Variants in CDH4 observed in about 807,000 individuals in gnomAD.
CDH4 encodes the protein cadherin-4.
A neutral mutation model predicts 86.0 loss-of-function variants in CDH4; 33 were observed. The ratio of observed to expected loss-of-function variants is 0.38; its 90% CI spans 0.29 to 0.51. The LOEUF (loss-of-function observed/expected upper bound fraction) is 0.51. CDH4 is among the 20% of genes least tolerant of loss of function. The pLI is 0.86. For missense variants in CDH4, 1,114 were observed against 1,307.4 expected (o/e 0.85, Z 2.28); for synonymous variants, 555 against 549.4 (o/e 1.01, Z -0.14).
intron 2 of CDH4, among the ~76,000 whole-genome samples, chr20:61,383,793 A>C (rs764219887): frequency 1.0e-5 from 1 of 100,228 alleles, no homozygotes; most frequent in African/African-American, 3.4e-5. Flanking sequence ...ATGAAGATAT[A>C]TATGCATATA....
At chr20:61,732,305 CA>C (rs2088200510) in intron 2 of CDH4, among the ~76,000 whole-genome samples, 3 of 152,186 alleles carry the variant, frequency 2.0e-5, no homozygotes, top group African/African-American at 7.2e-5. Context: ...TGCACTGCCT[CA>C]GGGAAAAGGA....
chr20:61,536,518 G>A (rs1017032149), intron 2 of CDH4, among the ~76,000 whole-genome samples: 2 of 152,104 alleles, frequency 1.3e-5, no homozygotes, highest in South Asian at 2.1e-4. Context: ...GATAACCCAC[G>A]AAACTCAAGC....
At chr20:61,848,154 CAGGGACCTGGGT>C (rs1335834936) in intron 5 of CDH4, among the ~76,000 whole-genome samples, 1 of 152,232 alleles carries the variant, frequency 6.6e-6, no homozygotes, top group Non-Finnish European at 1.5e-5. Flanking sequence ...TGGTGGGGAC[CAGGGACCTGGGT>C]CCCACACCTG....
rs757908734 is a variant in CDH4, at chr20:61,879,148, C to T, written c.1050+5248C>T. Among the ~76,000 whole-genome samples the T allele has an allele frequency of 6.6e-6, 1 of 152,320 alleles. No individual in the cohort carries two copies. Among genetic ancestry groups the T allele is most frequent in the Non-Finnish European group, 1.5e-5 (1 of 68,028 alleles). ...CACTGACAGCAGTGTAGACGCCAAG[C>T]GAGCACCAGTTCAGCTCCCCCGGGA... On this transcript the variant is annotated intron_variant, in intron 7 of 15. Transcript: ENST00000614565. The surrounding 1 kb of genome is among the most constrained non-coding windows in gnomAD (Gnocchi z 4.1).
intron 2 of CDH4, among the ~76,000 whole-genome samples, chr20:61,574,809 A>G (rs991762409): frequency 2.0e-5 from 3 of 152,186 alleles, no homozygotes; most frequent in African/African-American, 7.2e-5. Flanking sequence ...GACCAAGTCC[A>G]GGGTTCTCAT....
intron 2 of CDH4, among the ~76,000 whole-genome samples, chr20:61,526,755 T>C (rs561871114): frequency 6.5e-4 from 98 of 151,610 alleles, no homozygotes; most frequent in Non-Finnish European, 1.3e-3. Context: ...AGTTTCATGA[T>C]TGCAGTTGTC....
intron 8 of CDH4, among the ~76,000 whole-genome samples, chr20:61,904,131 C>T (rs1024884263): frequency 6.6e-6 from 1 of 152,176 alleles, no homozygotes; most frequent in Admixed American, 6.5e-5. Flanking sequence ...CTGCAGGGCC[C>T]GTAGCCCCAC....
intron 2 of CDH4, among the ~76,000 whole-genome samples, chr20:61,373,481 A>C (rs1406323528): frequency 6.6e-6 from 1 of 152,228 alleles, no homozygotes; most frequent in African/African-American, 2.4e-5. Flanking sequence ...AATGTGCTGG[A>C]TGTTCTCCCA....
intron 8 of CDH4, among the ~76,000 whole-genome samples, chr20:61,898,587 A>G (rs1985239489): frequency 6.6e-6 from 1 of 151,674 alleles, no homozygotes; most frequent in South Asian, 2.1e-4. Flanking sequence ...CCTCCAGGCC[A>G]CCCCCACCCC....
chr20:61,809,700 T>C (rs1980330044), intron 4 of CDH4, among the ~76,000 whole-genome samples: 1 of 152,074 alleles, frequency 6.6e-6, no homozygotes, highest in Non-Finnish European at 1.5e-5. Flanking sequence ...CCAGGAGGGG[T>C]TCCGGTAGAA....
At chr20:61,830,482 G>GC (rs34581140) in intron 4 of CDH4, among the ~76,000 whole-genome samples, 67,081 of 151,848 alleles carry the variant, frequency 0.44, 16,817 homozygotes, top group Non-Finnish European at 0.58. Context: ...ACCTCCCAAG[G>GC]CCCCCCAGGA....
At chr20:61,662,087 C>T (rs2145833408) in intron 2 of CDH4, among the ~76,000 whole-genome samples, 1 of 152,258 alleles carries the variant, frequency 6.6e-6, no homozygotes, top group African/African-American at 2.4e-5. Flanking sequence ...GATTTACCTC[C>T]AAGAAGCAGC....
chr20:61,846,789 G>A (rs1982473226), intron 5 of CDH4, among the ~76,000 whole-genome samples: 1 of 152,326 alleles, frequency 6.6e-6, no homozygotes, highest in Middle Eastern at 3.4e-3. Flanking sequence ...CAGACTTGGA[G>A]CGGGGTCAGC....
At chr20:61,425,445 G>T (rs1032344106) in intron 2 of CDH4, among the ~76,000 whole-genome samples, 2 of 152,344 alleles carry the variant, frequency 1.3e-5, no homozygotes, top group Admixed American at 6.5e-5. Context: ...CTGTCTGAAA[G>T]GGGGGCTGGG....
At chr20:61,427,543 A>G (rs73150209) in intron 2 of CDH4, among the ~76,000 whole-genome samples, 1,920 of 151,230 alleles carry the variant, frequency 0.013, 21 homozygotes, top group Non-Finnish European at 0.018. Flanking sequence ...CAGCCTATCT[A>G]GCATCATCTT....
intron 2 of CDH4, among the ~76,000 whole-genome samples, chr20:61,627,211 C>T (rs952106351): frequency 8.5e-5 from 13 of 152,152 alleles, no homozygotes; most frequent in African/African-American, 2.9e-4. Context: ...GGGATCAGGC[C>T]AGTGGTTCAA....
In CDH4 at chr20:61,743,546, T is replaced by C; in HGVS notation, c.170-17T>C. 6.5e-7 allele frequency: 1 copy of C among 1,546,680 alleles called. No homozygotes were observed. Among genetic ancestry groups the C allele is most frequent in the Non-Finnish European group, 8.8e-7 (1 of 1,141,570 alleles). On this transcript the variant is annotated splice_polypyrimidine_tract_variant and intron_variant, in intron 2 of 15. Transcript: ENST00000614565. Reference sequence around the variant, plus strand: ...GCTGGCCAAGCCGACCCTGACTCTCTCCCCCTCCTCTTGCAGTCAAGTTCA... The same window carrying C: ...GCTGGCCAAGCCGACCCTGACTCTCCCCCCCTCCTCTTGCAGTCAAGTTCA...
At position 61,565,272 on chromosome 20, in the gene CDH4, C is replaced by T. The variant is rs1352577909; in HGVS notation, c.170-178291C>T. Among the ~76,000 whole-genome samples, 2 of 64,588 alleles carry T rather than the reference C, an allele frequency of 3.1e-5. 1 individual carries two copies. Among genetic ancestry groups the T allele is most frequent in the Non-Finnish European group, 5.9e-5 (2 of 33,906 alleles). 42.4% of individuals were successfully genotyped at this position (64,588 alleles called of 152,430 possible). A position where few individuals can be genotyped will look rare whatever the true frequency, so the allele number is the denominator to read the frequency against. ...GCTCTTGGTGATGGTGGTGGTGGTC[C>T]TCTTGGTGATGGGGTGATGGTGGTG... On this transcript the variant is annotated intron_variant, in intron 2 of 15. Transcript: ENST00000614565.
At chr20:61,755,659 C>A (rs982284014) in intron 3 of CDH4, among the ~76,000 whole-genome samples, 1 of 151,692 alleles carries the variant, frequency 6.6e-6, no homozygotes, top group African/African-American at 2.4e-5. Context: ...GAGCATGTCA[C>A]ACATGCCCCA....
Sources: allele counts gnomAD v4.1 joint callset (sites outside exome capture counted in the v4.1 genomes callset), GRCh38; gene constraint gnomAD v4.1.1; non-coding constraint Gnocchi (gnomAD v3.1); transcripts MANE v1.5; gene names NCBI Gene and HGNC (gene_info 2026-07-23, HGNC 2026-07-21).